Variants in SERPINB6 observed in about 807,000 individuals in gnomAD.
The protein encoded by SERPINB6 is serpin B6.
In SERPINB6, 16 loss-of-function variants were observed where a neutral mutation model predicts 26.1. The observed-to-expected ratio is 0.61, with a 90% confidence interval of 0.42 to 0.93. The LOEUF (loss-of-function observed/expected upper bound fraction) is 0.93. Ranked by LOEUF, SERPINB6 falls within the 40% of genes least tolerant of loss-of-function variation. The pLI is 0.00. For missense variants in SERPINB6, 420 were observed against 478.0 expected (o/e 0.88, Z 1.13); for synonymous variants, 174 against 176.6 (o/e 0.99, Z 0.11).
intron 1 of SERPINB6, chr6:2,966,272 A>G (rs529670759): frequency 2.5e-5 from 19 of 755,048 alleles, no homozygotes; most frequent in Non-Finnish European, 3.1e-5. Flanking sequence ...CCTCATCTGA[A>G]CTTATTAATG....
intron 1 of SERPINB6, chr6:2,968,799 A>T: frequency 3.2e-6 from 4 of 1,231,754 alleles, no homozygotes; most frequent in Non-Finnish European, 4.0e-6. Flanking sequence ...TTCTGTTTAC[A>T]TGGACAGGAC....
chr6:2,955,759 T>C, intron 2 of SERPINB6, 89 bp from the exon 3 acceptor site: 1 of 1,414,702 alleles, frequency 7.1e-7, no homozygotes, highest in Non-Finnish European at 9.9e-7. Context: ...CTAACAACCA[T>C]CCAGACCCTT....
intron 2 of SERPINB6, chr6:2,957,649 T>C (rs1021146575): frequency 1.3e-5 from 2 of 152,232 alleles, no homozygotes; most frequent in African/African-American, 4.8e-5. Flanking sequence ...TTTAAGTTGA[T>C]AGAAATTCCA....
At chr6:2,954,369 G>A (rs1322576381) in intron 4 of SERPINB6, among the ~76,000 whole-genome samples, 1 of 152,132 alleles carries the variant, frequency 6.6e-6, no homozygotes, top group Non-Finnish European at 1.5e-5. Flanking sequence ...AAGGCATCAC[G>A]GGTACACCAA....
At chr6:2,952,276 C>T (rs1007126387) in intron 5 of SERPINB6, among the ~76,000 whole-genome samples, 12 of 152,140 alleles carry the variant, frequency 7.9e-5, no homozygotes, top group African/African-American at 2.7e-4. Flanking sequence ...TCTTGAAAAA[C>T]TGAAGGCTCA....
intron 1 of SERPINB6, chr6:2,961,776 CAG>C (rs1362772825): frequency 2.2e-5 from 21 of 958,922 alleles, no homozygotes; most frequent in Admixed American, 6.2e-5. Flanking sequence ...AAAAAAAAGA[CAG>C]AGGTTAAGTA....
At chr6:2,965,064 T>C (rs1392653898) in intron 1 of SERPINB6, among the ~76,000 whole-genome samples, 3 of 152,240 alleles carry the variant, frequency 2.0e-5, no homozygotes, top group Non-Finnish European at 4.4e-5. Context: ...GTTTGCTTTA[T>C]TATCACTAAA....
At chr6:2,950,424 T>G (rs1769653300) in intron 5 of SERPINB6, among the ~76,000 whole-genome samples, 1 of 150,940 alleles carries the variant, frequency 6.6e-6, no homozygotes, top group African/African-American at 2.4e-5. Context: ...TCCCAGCTAC[T>G]CGGGAGGCTG....
rs150294928 is a variant in SERPINB6, at chr6:2,948,588, C to G, written c.841G>C (p.Asp281His). The G allele has an allele frequency of 4.3e-6, 7 of 1,614,070 alleles. No homozygotes were observed. The highest frequency in any genetic ancestry group is 2.2e-5 in the East Asian group (1 of 44,900). ...LPRFKLEESY[D>H]MESVLRNLGM... Reference sequence around the variant, plus strand: ...AGGTTGCGCAGGACACTCTCCATGTCGTAGCTTTCCTCTAGTTTAAACCGC... The same window carrying G: ...AGGTTGCGCAGGACACTCTCCATGTGGTAGCTTTCCTCTAGTTTAAACCGC... Residue 281 changes from aspartate (D) to histidine (H), a missense_variant, in exon 7 of 7, where the codon GAC (aspartate) becomes CAC (histidine). Physicochemically the swap from Asp to His is moderately conservative, Grantham distance 81. Coordinates refer to ENST00000380539, the MANE Select transcript of SERPINB6 (RefSeq NM_004568.6). The surrounding 1 kb of genome is among the most constrained non-coding windows in gnomAD (Gnocchi z 5.0).
chr6:2,956,258 C>T (rs555938400), intron 2 of SERPINB6: 82 of 154,166 alleles, frequency 5.3e-4, no homozygotes, highest in Non-Finnish European at 7.1e-4. Flanking sequence ...AAACACAGGC[C>T]GCCCCTGACA....
chr6:2,970,931 C>T, intron 1 of SERPINB6: 1 of 1,228,850 alleles, frequency 8.1e-7, no homozygotes, highest in Non-Finnish European at 1.0e-6. Flanking sequence ...ATTGGCCAAG[C>T]CCAGCACGGC....
intron 5 of SERPINB6, 137 bp downstream of exon 5, chr6:2,952,907 G>T: frequency 7.8e-7 from 1 of 1,275,056 alleles, no homozygotes; most frequent in Non-Finnish European, 1.1e-6. Flanking sequence ...AGGCGCCCAG[G>T]GACACGAGGC....
intron 1 of SERPINB6, chr6:2,962,247 G>C: frequency 1.0e-6 from 1 of 979,386 alleles, no homozygotes; most frequent in Non-Finnish European, 1.2e-6. Flanking sequence ...CGGTGCACAT[G>C]AGTTTCACTG....
intron 1 of SERPINB6, chr6:2,971,283 C>G: frequency 1.4e-6 from 1 of 715,890 alleles, no homozygotes; most frequent in Non-Finnish European, 1.7e-6. Flanking sequence ...CTGCGAGGCT[C>G]CGGAAGGGAA....
In SERPINB6 at chr6:2,955,714, C is replaced by G. The variant is rs373743961; in HGVS notation, c.166-44G>C. The G allele has an allele frequency of 9.9e-6, 16 of 1,608,504 alleles. No homozygotes were observed. In the African/African-American group the frequency reaches 2.0e-4, roughly 20 times the overall value. ...TGAAAACAAATCATTCCTGTATGCT[C>G]TGACTTCAGGAAATGGGGCAACCCC... On this transcript the variant is annotated intron_variant, in intron 2 of 6. Coordinates refer to ENST00000380539, the MANE Select transcript of SERPINB6 (RefSeq NM_004568.6).
intron 1 of SERPINB6, chr6:2,969,403 A>T: frequency 1.2e-6 from 1 of 847,948 alleles, no homozygotes; most frequent in Non-Finnish European, 1.3e-6. Context: ...ATGCAAAATT[A>T]ATTGTTTCAA....
At chr6:2,951,212 C>T (rs1251068904) in intron 5 of SERPINB6, among the ~76,000 whole-genome samples, 1 of 151,844 alleles carries the variant, frequency 6.6e-6, no homozygotes, top group Non-Finnish European at 1.5e-5. Flanking sequence ...ATGGTGAAAC[C>T]CCGTCTCTAC....
At chr6:2,963,328 CTG>C (rs1310385983) in intron 1 of SERPINB6, 1 of 152,240 alleles carries the variant, frequency 6.6e-6, no homozygotes, top group Non-Finnish European at 1.5e-5. Flanking sequence ...CCCTTACCCT[CTG>C]AGATAGCTGC....
At position 2,948,318 on chromosome 6, in the gene SERPINB6, C is replaced by A; in HGVS notation, c.1111G>T (p.Gly371Cys). 1.9e-6 allele frequency: 3 copies of A among 1,613,780 alleles called. No individual in the cohort carries two copies. Among genetic ancestry groups the A allele is most frequent in the Non-Finnish European group, 2.5e-6 (3 of 1,179,982 alleles). Reference protein sequence around the residue: ...HSKTNGILFCGRFSSP With the variant: ...HSKTNGILFCCRFSSP ...TGTCCTCACGGAGAGGAAAAGCGGCCGCAGAAGAGAATCCCGTTGGTCTTG... is the reference window on the plus strand; with the variant it reads ...TGTCCTCACGGAGAGGAAAAGCGGCAGCAGAAGAGAATCCCGTTGGTCTTG... The change falls in exon 7 of 7, where the codon GGC becomes TGC. Residue 371 changes from glycine (G) to cysteine (C), a missense_variant. Transcript: ENST00000380539. This position sits in a 1 kb window ranked among gnomAD's most constrained non-coding sequence, Gnocchi z 5.0.
Sources: gnomAD v4.1 joint callset for allele counts (sites outside exome capture counted in the v4.1 genomes callset) on GRCh38, gnomAD v4.1.1 for gene constraint, Gnocchi (gnomAD v3.1) non-coding constraint, MANE v1.5 for transcripts, NCBI Gene and HGNC (gene_info 2026-07-23, HGNC 2026-07-21) for gene names.